Variants in EPHA3 observed in about 807,000 individuals in gnomAD.
EPHA3 encodes the protein EPH receptor A3, also known as ephrin type-A receptor 3.
Under a neutral mutation model 107.1 loss-of-function variants are expected in EPHA3, and 42 were observed. That is an observed-to-expected ratio of 0.39 (90% CI 0.31 to 0.51). EPHA3 has a LOEUF of 0.51. EPHA3 is among the 20% of genes least tolerant of loss of function. The pLI is 0.78. For missense variants in EPHA3, 1,183 were observed against 1,211.2 expected (o/e 0.98, Z 0.35); for synonymous variants, 461 against 424.8 (o/e 1.09, Z -1.05).
chr3:89,436,857 T>C (rs1709682430), intron 13 of EPHA3, among the ~76,000 whole-genome samples: 1 of 152,190 alleles, frequency 6.6e-6, no homozygotes. Context: ...GTACTATACA[T>C]TTTTATGTTT....
chr3:89,388,409 T>C (rs1708664866), intron 5 of EPHA3, among the ~76,000 whole-genome samples: 1 of 152,120 alleles, frequency 6.6e-6, no homozygotes. Context: ...GCAACTATAC[T>C]GTAAGAGGGC....
chr3:89,366,088 G>A (rs1708179533), intron 5 of EPHA3, among the ~76,000 whole-genome samples: 1 of 150,640 alleles, frequency 6.6e-6, no homozygotes, highest in African/African-American at 2.4e-5. Context: ...TAAACCTGGG[G>A]AAATGAGGGA....
At chr3:89,416,004 G>T (rs113603387) in intron 10 of EPHA3, among the ~76,000 whole-genome samples, 1,824 of 151,402 alleles carry the variant, frequency 0.012, 17 homozygotes, top group African/African-American at 0.03. Context: ...GATAAGTTGT[G>T]CAGGGGACTT....
intron 15 of EPHA3, among the ~76,000 whole-genome samples, chr3:89,472,070 A>G (rs1710413525): frequency 6.6e-6 from 1 of 152,228 alleles, no homozygotes; most frequent in Admixed American, 6.5e-5. Flanking sequence ...TACTTAAAAT[A>G]TTGAAACTGA....
intron 5 of EPHA3, among the ~76,000 whole-genome samples, chr3:89,393,694 G>A (rs1342411761): frequency 6.6e-6 from 1 of 152,128 alleles, no homozygotes; most frequent in African/African-American, 2.4e-5. Flanking sequence ...TGCAAAATTT[G>A]AGTCCAAAGA....
chr3:89,419,154 AT>A (rs755374432), intron 10 of EPHA3, 50 bp from the exon 11 acceptor site: 11 of 1,507,650 alleles, frequency 7.3e-6, no homozygotes, highest in Admixed American at 4.6e-5. Flanking sequence ...CTACTGATGA[AT>A]TTTTATTATA....
chr3:89,350,436 C>G (rs537611562), intron 5 of EPHA3, among the ~76,000 whole-genome samples: 1 of 151,536 alleles, frequency 6.6e-6, no homozygotes, highest in Non-Finnish European at 1.5e-5. Flanking sequence ...GCATTCTTCA[C>G]GTAGTTCTCA....
intron 5 of EPHA3, among the ~76,000 whole-genome samples, chr3:89,352,893 ACT>A (rs1377296467): frequency 7.4e-6 from 1 of 135,084 alleles, no homozygotes; most frequent in Non-Finnish European, 1.6e-5. Context: ...ACAGAGCAAG[ACT>A]CTGTCTCAAA....
At chr3:89,233,781 T>C (rs758101971) in intron 3 of EPHA3, among the ~76,000 whole-genome samples, 19 of 152,226 alleles carry the variant, frequency 1.2e-4, no homozygotes, top group Admixed American at 7.2e-4. Flanking sequence ...GTTTTACACA[T>C]ATATTCTTAT....
chr3:89,246,014 A>G (rs915814178), intron 3 of EPHA3, among the ~76,000 whole-genome samples: 23 of 152,250 alleles, frequency 1.5e-4, no homozygotes, highest in African/African-American at 5.1e-4. Context: ...CTGAAATGGT[A>G]GACAAGTTCC....
rs569707042 is a variant in EPHA3, at chr3:89,286,231, C to T, written c.815-54685C>T. ...AAGAAAGCTAGTTTTCCTGGTGCTA[C>T]GTGAAGTAGGGAGAGAGGAGTAGAG... On this transcript the variant is annotated intron_variant, in intron 3 of 16. Transcript: ENST00000336596. Among the ~76,000 whole-genome samples, 9 of 149,144 alleles carry T rather than the reference C, an allele frequency of 6.0e-5. No homozygotes were observed. In the South Asian group the frequency reaches 8.5e-4, roughly 14 times the overall value.
At chr3:89,470,775 T>C (rs2107573696) in intron 15 of EPHA3, among the ~76,000 whole-genome samples, 1 of 152,322 alleles carries the variant, frequency 6.6e-6, no homozygotes, top group South Asian at 2.1e-4. Context: ...TATAGAATAA[T>C]GTGGGTCTAA....
chr3:89,471,043 C>A (rs1351213485), intron 15 of EPHA3, among the ~76,000 whole-genome samples: 5 of 152,038 alleles, frequency 3.3e-5, no homozygotes, highest in Admixed American at 6.6e-5. Flanking sequence ...AAACTAAAGG[C>A]TTTTATAACT....
Position 89,406,023 on chromosome 3 carries a change from G to T in EPHA3, c.1595-1246G>T, listed in dbSNP as rs577806574. The stretch of plus-strand genomic sequence containing the variant: ...TAGGAATGACATGGTCAAATTCATG[G>T]TTTAGAAGGAATATTCTGAAAGATA... On this transcript the variant is annotated intron_variant, in intron 7 of 16. Coordinates refer to ENST00000336596, the MANE Select transcript of EPHA3 (RefSeq NM_005233.6). Among the ~76,000 whole-genome samples, 8 of 152,218 alleles carry T rather than the reference G, an allele frequency of 5.3e-5. No individual in the cohort carries two copies. In the East Asian group the frequency reaches 1.5e-3, roughly 29 times the overall value.
chr3:89,365,405 A>C (rs17801001), intron 5 of EPHA3, among the ~76,000 whole-genome samples: 36,381 of 150,276 alleles, frequency 0.24, 5,582 homozygotes, highest in Non-Finnish European at 0.28. Flanking sequence ...ACACACTTAC[A>C]TTTCCAAACA....
At chr3:89,357,926 A>T (rs1340340098) in intron 5 of EPHA3, among the ~76,000 whole-genome samples, 9 of 151,264 alleles carry the variant, frequency 5.9e-5, no homozygotes, top group African/African-American at 2.2e-4. Flanking sequence ...AATTCTTATT[A>T]TTGCAGATAT....
intron 5 of EPHA3, among the ~76,000 whole-genome samples, chr3:89,347,609 C>T (rs1166597496): frequency 4.7e-5 from 7 of 150,022 alleles, no homozygotes; most frequent in Non-Finnish European, 8.9e-5. Context: ...CCTTTATTTC[C>T]TTCTCCTGCC....
At chr3:89,263,287 T>A (rs182900324) in intron 3 of EPHA3, among the ~76,000 whole-genome samples, 27 of 152,268 alleles carry the variant, frequency 1.8e-4, no homozygotes, top group Admixed American at 1.7e-3. Flanking sequence ...CTTTTCGCTC[T>A]GCTGTCTGCG....
chr3:89,123,813 ATAT>A (rs2106966092), intron 1 of EPHA3, among the ~76,000 whole-genome samples: 1 of 152,342 alleles, frequency 6.6e-6, no homozygotes, highest in African/African-American at 2.4e-5. Context: ...AAAAGTTTAT[ATAT>A]TCCACATAGT....
Sources: gnomAD v4.1 joint callset for allele counts (sites outside exome capture counted in the v4.1 genomes callset) on GRCh38, gnomAD v4.1.1 for gene constraint, MANE v1.5 for transcripts, NCBI Gene and HGNC (gene_info 2026-07-23, HGNC 2026-07-21) for gene names.